Variants in GOLGB1 observed in about 807,000 individuals in gnomAD.
GOLGB1 encodes the protein golgin subfamily B member 1.
Under a neutral mutation model 336.9 loss-of-function variants are expected in GOLGB1, and 174 were observed. The ratio of observed to expected loss-of-function variants is 0.52; its 90% CI spans 0.46 to 0.59. GOLGB1 has a LOEUF of 0.59. GOLGB1 is among the 20% of genes least tolerant of loss of function. GOLGB1 has a pLI of 0.00. For missense variants in GOLGB1, 3,331 were observed against 3,645.3 expected (o/e 0.91, Z 2.22); for synonymous variants, 1,208 against 1,289.2 (o/e 0.94, Z 1.35).
chr3:121,680,072 A>G (rs1940893329), intron 15 of GOLGB1, among the ~76,000 whole-genome samples: 1 of 152,202 alleles, frequency 6.6e-6, no homozygotes, highest in Non-Finnish European at 1.5e-5. Context: ...CTTCCAGCAC[A>G]GTATCAATGG....
rs1450905197 is a variant in GOLGB1, at chr3:121,730,931, T to C, written c.41A>G (p.His14Arg). The C allele has an allele frequency of 3.1e-6, 5 of 1,613,400 alleles. No individual in the cohort carries two copies. The African/African-American group carries it at 5.3e-5, about 17-fold the overall frequency. ...RLSGLANVVL[H>R]ELSGDDDTDQ... Reference sequence around the variant, plus strand: ...AGTGTCATCATCTCCTGATAATTCATGCAAAACAACATTTGCTAATCCTGA... The same window carrying C: ...AGTGTCATCATCTCCTGATAATTCACGCAAAACAACATTTGCTAATCCTGA... The change falls in exon 2 of 22, where the codon CAT (histidine) becomes CGT (arginine). Residue 14 changes from histidine to arginine, a missense_variant. Transcript: ENST00000614479.
chr3:121,696,330 T>G lies in GOLGB1; in HGVS notation c.4193A>C (p.Lys1398Thr). 6.2e-7 allele frequency: 1 copy of G among 1,614,150 alleles called. No homozygotes were observed. Residue 1398 changes from lysine (K) to threonine (T), a missense_variant, in exon 13 of 22, where the codon AAA (lysine) becomes ACA (threonine). Lys to Thr is a moderately conservative substitution (Grantham distance 78). Transcript: ENST00000614479. ...TATGAGTTTTTGCAGTTCATCCAGT[T>G]TAGGTTGCAATTCTCTTAGATGTTC... is the stretch of plus-strand genomic sequence containing the variant. ...GLEHLRELQPKLDELQKLISK... is the reference protein window; with the variant it reads ...GLEHLRELQPTLDELQKLISK...
chr3:121,722,720 C>T (rs1022195129), intron 5 of GOLGB1, among the ~76,000 whole-genome samples: 1 of 152,152 alleles, frequency 6.6e-6, no homozygotes, highest in African/African-American at 2.4e-5. Context: ...CCAAAACCCA[C>T]AAGAACTACA....
At chr3:121,716,443 G>A (rs1025212594) in intron 9 of GOLGB1, among the ~76,000 whole-genome samples, 1 of 151,996 alleles carries the variant, frequency 6.6e-6, no homozygotes, top group Non-Finnish European at 1.5e-5. Context: ...AATCCTTCTC[G>A]TTTCAGTCAT....
At chr3:121,687,627 G>A (rs971553125) in intron 14 of GOLGB1, among the ~76,000 whole-genome samples, 1 of 152,114 alleles carries the variant, frequency 6.6e-6, no homozygotes, top group Non-Finnish European at 1.5e-5. Context: ...ACAGAAACAC[G>A]AAAATAAAAA....
At chr3:121,665,367 A>G (rs1039794607) in intron 20 of GOLGB1, among the ~76,000 whole-genome samples, 1 of 152,164 alleles carries the variant, frequency 6.6e-6, no homozygotes. Context: ...TTACTTGCCC[A>G]TGGCGGCACA....
At chr3:121,715,169 C>T (rs1187944821) in intron 9 of GOLGB1, among the ~76,000 whole-genome samples, 193 bp from the exon 10 acceptor site, 1 of 150,494 alleles carries the variant, frequency 6.6e-6, no homozygotes, top group Non-Finnish European at 1.5e-5. Flanking sequence ...CAGTAAATCA[C>T]TTCCTTCAAA....
intron 14 of GOLGB1, among the ~76,000 whole-genome samples, chr3:121,686,030 G>C (rs1941686236): frequency 6.6e-6 from 1 of 152,164 alleles, no homozygotes; most frequent in South Asian, 2.1e-4. Context: ...GGTAGTTTTA[G>C]TGAACTGGAC....
chr3:121,714,329 G>A (rs1215798935), intron 10 of GOLGB1, among the ~76,000 whole-genome samples: 1 of 152,120 alleles, frequency 6.6e-6, no homozygotes, highest in African/African-American at 2.4e-5. Flanking sequence ...ATCAGCCTTC[G>A]ATGATTACAA....
In GOLGB1 at chr3:121,699,711, C is replaced by CTTCTCTGGCAA. The variant is rs1278858075; in HGVS notation, c.1593+90_1593+100dup. ...TAGATCTTACTCTATAGGTAATGTA[C>CTTCTCTGGCAA]TTCTCTGGCAACACTAGAAAATTAT... On this transcript the variant is annotated intron_variant, in intron 12 of 21. Transcript: ENST00000614479. 1.3e-4 allele frequency: 83 copies of CTTCTCTGGCAA among 633,002 alleles called. No individual in the cohort carries two copies. The Admixed American group carries it at 2.2e-3, about 17-fold the overall frequency. The allele number at this position is 633,002 out of a possible 1,614,324, so 39.2% of individuals were successfully genotyped here. A position where few individuals can be genotyped will look rare whatever the true frequency, so the allele number is the denominator to read the frequency against.
chr3:121,747,360 T>TATATATATAC (rs1207528628), intron 1 of GOLGB1, among the ~76,000 whole-genome samples: 101 of 138,382 alleles, frequency 7.3e-4, no homozygotes, highest in Non-Finnish European at 1.1e-3. Context: ...TGTATATACG[T>TATATATATAC]ATATATACGT....
chr3:121,688,456 G>A (rs924909978), intron 14 of GOLGB1, among the ~76,000 whole-genome samples: 5 of 152,256 alleles, frequency 3.3e-5, no homozygotes, highest in South Asian at 2.1e-4. Context: ...CCGAGGTGCC[G>A]GGATTGCAGA....
At chr3:121,728,896 T>C (rs1945866247) in intron 4 of GOLGB1, among the ~76,000 whole-genome samples, 1 of 152,202 alleles carries the variant, frequency 6.6e-6, no homozygotes, top group Admixed American at 6.5e-5. Flanking sequence ...TATGTTTCCC[T>C]CCTCTCTAAA....
chr3:121,685,453 T>C (rs1007054546), intron 14 of GOLGB1, among the ~76,000 whole-genome samples: 3 of 151,994 alleles, frequency 2.0e-5, no homozygotes, highest in African/African-American at 7.3e-5. Context: ...AAGAATCGCT[T>C]GAACCCGGGA....
At chr3:121,722,468 C>A in intron 5 of GOLGB1, 90 bp from the exon 6 acceptor site, 1 of 685,380 alleles carries the variant, frequency 1.5e-6, no homozygotes. Context: ...TCTTGCTTAA[C>A]CTAAATGCCT....
intron 1 of GOLGB1, among the ~76,000 whole-genome samples, chr3:121,738,319 G>A (rs1946624843): frequency 6.6e-6 from 1 of 152,196 alleles, no homozygotes; most frequent in African/African-American, 2.4e-5. Flanking sequence ...CATGGATTTT[G>A]TATCTTCCTT....
At chr3:121,678,630 T>A (rs979931717) in intron 15 of GOLGB1, among the ~76,000 whole-genome samples, 2 of 151,998 alleles carry the variant, frequency 1.3e-5, no homozygotes, top group Admixed American at 1.3e-4. Context: ...TGCAGTGGCA[T>A]GATGTTGGCT....
chr3:121,736,956 C>T (rs1946514534), intron 1 of GOLGB1, among the ~76,000 whole-genome samples: 1 of 152,058 alleles, frequency 6.6e-6, no homozygotes, highest in Non-Finnish European at 1.5e-5. Flanking sequence ...GGTTCTGAAA[C>T]ACAATAAGGA....
At chr3:121,749,193 C>A in intron 1 of GOLGB1, 1 of 152,436 alleles carries the variant, frequency 6.6e-6, no homozygotes. Context: ...GCCTCCCCTT[C>A]GGGACACCAA....
Sources: gnomAD v4.1 joint callset for allele counts (sites outside exome capture counted in the v4.1 genomes callset) on GRCh38, gnomAD v4.1.1 for gene constraint, MANE v1.5 for transcripts, NCBI Gene and HGNC (gene_info 2026-07-23, HGNC 2026-07-21) for gene names.